The following CAMTA1 variants were observed in gnomAD, a reference collection of about 807,000 sequenced individuals.
CAMTA1 encodes calmodulin binding transcription activator 1.
CAMTA1 carries 27 observed loss-of-function variants against 170.9 expected under a neutral mutation model. The observed-to-expected ratio is 0.16, with a 90% confidence interval of 0.12 to 0.22. The LOEUF (loss-of-function observed/expected upper bound fraction) is 0.22. Among genes scored for constraint, CAMTA1 ranks in the 10% least tolerant of loss-of-function variants. The probability of loss-of-function intolerance (pLI) is 1.00; values close to 1 mark genes in which losing one functional copy is unlikely to be tolerated. For synonymous variants in CAMTA1, 833 were observed against 891.5 expected, an observed-to-expected ratio of 0.93 and a Z score of 1.17; for missense variants, 1,619 against 2,217.2, an observed-to-expected ratio of 0.73 and a Z score of 5.42.
At chr1:7,348,099 A>G (rs1268468687) in intron 5 of CAMTA1, among the ~76,000 whole-genome samples, 2 of 152,144 alleles carry the variant, frequency 1.3e-5, no homozygotes, top group Non-Finnish European at 2.9e-5. Context: ...GCTCACTCGC[A>G]GGGCCTCTGG....
chr1:7,726,153 G>T (rs1160644351), intron 11 of CAMTA1, among the ~76,000 whole-genome samples: 3 of 152,246 alleles, frequency 2.0e-5, no homozygotes, highest in African/African-American at 7.2e-5. Context: ...GTTAAGAGTT[G>T]GGGAACCTCA....
chr1:6,980,293 TC>T (rs1328974092), intron 3 of CAMTA1, among the ~76,000 whole-genome samples: 1 of 152,126 alleles, frequency 6.6e-6, no homozygotes, highest in Non-Finnish European at 1.5e-5. Context: ...TCTGTCTCCC[TC>T]CTTAGGCCCG....
intron 1 of CAMTA1, among the ~76,000 whole-genome samples, chr1:6,791,058 T>C (rs1251379834): frequency 2.0e-5 from 3 of 152,214 alleles, no homozygotes; most frequent in South Asian, 2.1e-4. Context: ...GCATTTCCAT[T>C]ATACAGATCT....
chr1:7,696,820 ACT>A (rs1370594345), intron 11 of CAMTA1, among the ~76,000 whole-genome samples: 1 of 151,988 alleles, frequency 6.6e-6, no homozygotes, highest in Non-Finnish European at 1.5e-5. Flanking sequence ...CAGCCCATAC[ACT>A]CTGCACGGGA....
chr1:6,974,427 G>A (rs1382131329), intron 3 of CAMTA1, among the ~76,000 whole-genome samples: 1 of 152,202 alleles, frequency 6.6e-6, no homozygotes, highest in Non-Finnish European at 1.5e-5. Flanking sequence ...TCTAAATGGG[G>A]TGGCACACAG....
At chr1:6,937,556 T>TCATCACGATCACCATCAC (rs149373549) in intron 3 of CAMTA1, among the ~76,000 whole-genome samples, 1 of 904 alleles carries the variant, frequency 1.1e-3, no homozygotes, top group Non-Finnish European at 1.8e-3. Context: ...ACCACTACCA[T>TCATCACGATCACCATCAC]CATCACCATT....
chr1:7,480,262 T>C (rs964798658), intron 6 of CAMTA1, among the ~76,000 whole-genome samples: 1 of 115,654 alleles, frequency 8.6e-6, no homozygotes, highest in Non-Finnish European at 1.8e-5. Flanking sequence ...CATGTGTGTA[T>C]GTGTGTGAGT....
At chr1:6,967,607 C>T (rs1042115839) in intron 3 of CAMTA1, among the ~76,000 whole-genome samples, 2 of 152,154 alleles carry the variant, frequency 1.3e-5, no homozygotes, top group Admixed American at 1.3e-4. Context: ...AGGCTGGTGG[C>T]CACGTGTTCC....
rs1223506775 is a variant in CAMTA1 at position 7,380,003 on chromosome 1, T to C, written c.439-87827T>C. 2.6e-5 allele frequency among the ~76,000 whole-genome samples: 4 copies of C among 152,226 alleles called. No homozygotes were observed. The East Asian group carries it at 7.7e-4, about 29-fold the overall frequency. Reference sequence around the variant, plus strand: ...TCAGTAGTCATCACTTTGTGGAGGATAATGGCAATTTAATTAATTGCCCAA... The same window carrying C: ...TCAGTAGTCATCACTTTGTGGAGGACAATGGCAATTTAATTAATTGCCCAA... On this transcript the variant is annotated intron_variant, in intron 5 of 22. Coordinates refer to ENST00000303635, the MANE Select transcript of CAMTA1 (RefSeq NM_015215.4).
In CAMTA1 at chr1:7,666,440, C is replaced by T. The variant is rs565597219; in HGVS notation, c.2652+1241C>T. The stretch of plus-strand genomic sequence containing the variant: ...CTCCCGGGGATCTGACTTTGAGAAC[C>T]ACTACTCCAAAGACCAAAGCATCTT... On this transcript the variant is annotated intron_variant, in intron 9 of 22. Coordinates refer to ENST00000303635, the MANE Select transcript of CAMTA1 (RefSeq NM_015215.4). Among the ~76,000 whole-genome samples the T allele has an allele frequency of 3.9e-5, 6 of 152,302 alleles. No individual in the cohort carries two copies. The South Asian group carries it at 1.2e-3, about 32-fold the overall frequency.
At chr1:7,627,292 G>C (rs958182053) in intron 6 of CAMTA1, among the ~76,000 whole-genome samples, 2 of 152,276 alleles carry the variant, frequency 1.3e-5, no homozygotes, top group Non-Finnish European at 2.9e-5. Flanking sequence ...ACTTTACCTA[G>C]ATGGGCTCCT....
intron 6 of CAMTA1, among the ~76,000 whole-genome samples, chr1:7,483,211 G>T (rs1381493801): frequency 6.6e-6 from 1 of 152,230 alleles, no homozygotes; most frequent in African/African-American, 2.4e-5. Flanking sequence ...TTGCATGGAT[G>T]GAGATTTGTC....
chr1:6,898,821 C>T (rs1002972599), intron 3 of CAMTA1, among the ~76,000 whole-genome samples: 1 of 152,228 alleles, frequency 6.6e-6, no homozygotes, highest in Admixed American at 6.5e-5. Flanking sequence ...GAAGGACCTC[C>T]AGCCTCTTGT....
intron 3 of CAMTA1, among the ~76,000 whole-genome samples, chr1:6,987,529 A>T (rs541884714): frequency 6.6e-6 from 1 of 152,302 alleles, no homozygotes; most frequent in East Asian, 1.9e-4. Context: ...CTCCCAAATG[A>T]TTCTAGTGTC....
intron 3 of CAMTA1, among the ~76,000 whole-genome samples, chr1:7,079,638 ATT>A (rs60401781): frequency 7.6e-5 from 11 of 144,488 alleles, no homozygotes; most frequent in African/African-American, 1.5e-4. Flanking sequence ...CGCCTGGCTA[ATT>A]TTTTTTTTTT....
At chr1:7,013,126 C>T (rs753253297) in intron 3 of CAMTA1, among the ~76,000 whole-genome samples, 9 of 152,000 alleles carry the variant, frequency 5.9e-5, no homozygotes, top group African/African-American at 1.5e-4. Context: ...TGCCTTGTGC[C>T]GCACCTCCTC....
chr1:7,352,605 G>A (rs1256484748), intron 5 of CAMTA1, among the ~76,000 whole-genome samples: 1 of 152,144 alleles, frequency 6.6e-6, no homozygotes. Context: ...TCCAGGAAAG[G>A]GATTTTTAAA....
At chr1:7,458,222 A>T in intron 5 of CAMTA1, among the ~76,000 whole-genome samples, 1 of 152,170 alleles carries the variant, frequency 6.6e-6, no homozygotes, top group East Asian at 1.9e-4. Flanking sequence ...GGTGTGCACC[A>T]GGGCTTCTGA....
chr1:7,535,038 A>G (rs2094532968), intron 6 of CAMTA1, among the ~76,000 whole-genome samples: 1 of 152,110 alleles, frequency 6.6e-6, no homozygotes, highest in Non-Finnish European at 1.5e-5. Flanking sequence ...GTCAAGGGAG[A>G]TGGCTGGGAT....
Sources: allele counts gnomAD v4.1 joint callset (sites outside exome capture counted in the v4.1 genomes callset), GRCh38; gene constraint gnomAD v4.1.1; transcripts MANE v1.5; gene names NCBI Gene and HGNC (gene_info 2026-07-23, HGNC 2026-07-21).